Variants in AIRIM observed in about 807,000 individuals in gnomAD.
AIRIM encodes AFG2-interacting ribosome maturation factor.
the AIRIM span, chr1:37,683,205 G>A: frequency 6.2e-7 from 1 of 1,603,228 alleles, no homozygotes; most frequent in East Asian, 2.2e-5. Flanking sequence ...CCTCTCCCGA[G>A]AACATAAAAC....
At chr1:37,689,033 G>A in the AIRIM span, among the ~76,000 whole-genome samples, 2 of 151,572 alleles carry the variant, frequency 1.3e-5, no homozygotes, top group African/African-American at 4.8e-5. Flanking sequence ...TCAGAACTTG[G>A]AGACGTGCTA....
the AIRIM span, among the ~76,000 whole-genome samples, chr1:37,687,336 TG>T: frequency 6.6e-6 from 1 of 151,790 alleles, no homozygotes; most frequent in African/African-American, 2.4e-5. Flanking sequence ...TTCTCCATGT[TG>T]GTCAGGCTGG....
At chr1:37,686,648 A>G in the AIRIM span, among the ~76,000 whole-genome samples, 1 of 152,340 alleles carries the variant, frequency 6.6e-6, no homozygotes, top group Middle Eastern at 3.4e-3. Context: ...TATACCCTCC[A>G]TAAGCCATAA....
At chr1:37,685,680 G>A in the AIRIM span, among the ~76,000 whole-genome samples, 3 of 152,052 alleles carry the variant, frequency 2.0e-5, no homozygotes, top group South Asian at 4.1e-4. Context: ...GAGCCACCAC[G>A]CCCAGACCCC....
At chr1:37,691,701 C>T in the AIRIM span, 1 of 152,548 alleles carries the variant, frequency 6.6e-6, no homozygotes, top group East Asian at 1.9e-4. Context: ...CCAGAGCTGC[C>T]TCCTGCCCTG....
At chr1:37,686,373 T>C in the AIRIM span, 1 of 1,614,158 alleles carries the variant, frequency 6.2e-7, no homozygotes, top group Non-Finnish European at 8.5e-7. Context: ...ATGCCAACTG[T>C]GTCTGCGTGT....
At chr1:37,685,894 T>C in the AIRIM span, among the ~76,000 whole-genome samples, 1 of 152,204 alleles carries the variant, frequency 6.6e-6, no homozygotes, top group Non-Finnish European at 1.5e-5. Flanking sequence ...CACATAGCTC[T>C]TTCCCTTACC....
At chr1:37,684,020 C>G in the AIRIM span, 43,260 of 152,156 alleles carry the variant, frequency 0.28, 6,707 homozygotes, top group African/African-American at 0.39. Flanking sequence ...CTGATCCTAA[C>G]TATCAGGATC....
the AIRIM span, chr1:37,683,340 C>T: frequency 8.6e-5 from 138 of 1,614,010 alleles, 1 homozygote; most frequent in South Asian, 1.4e-3. Context: ...TCTTGGTGTT[C>T]GTCTTTTGAA....
chr1:37,689,889 GA>G, the AIRIM span: 7 of 1,534,846 alleles, frequency 4.6e-6, no homozygotes, highest in African/African-American at 6.9e-5. Flanking sequence ...ATCTTCTGCT[GA>G]AAAAGATAAA....
chr1:37,682,794 C>T, the AIRIM span: 4 of 223,598 alleles, frequency 1.8e-5, no homozygotes, highest in East Asian at 3.2e-4. Context: ...CTTGTCCTTG[C>T]TTCCCCACCT....
the AIRIM span, among the ~76,000 whole-genome samples, chr1:37,687,863 G>A: frequency 3.9e-5 from 6 of 152,036 alleles, no homozygotes; most frequent in South Asian, 4.1e-4. Context: ...GTGAGGCACC[G>A]TACCTGGCCT....
the AIRIM span, chr1:37,683,097 G>A: frequency 3.9e-5 from 63 of 1,605,250 alleles, no homozygotes; most frequent in Admixed American, 8.3e-5. Context: ...TGTGGTACCC[G>A]TGGTCTCCAG....
the AIRIM span, among the ~76,000 whole-genome samples, chr1:37,687,550 G>T: frequency 6.6e-6 from 1 of 151,578 alleles, no homozygotes; most frequent in Non-Finnish European, 1.5e-5. Context: ...AGGAATTTGA[G>T]ACCAGCCTGG....
At chr1:37,686,862 G>GT in the AIRIM span, among the ~76,000 whole-genome samples, 2 of 152,082 alleles carry the variant, frequency 1.3e-5, no homozygotes, top group East Asian at 1.9e-4. Context: ...GAGGTCAGGA[G>GT]TTTGAGACCA....
At chr1:37,681,760 A>G in the AIRIM span, 1 of 152,232 alleles carries the variant, frequency 6.6e-6, no homozygotes, top group African/African-American at 2.4e-5. Flanking sequence ...GGGAAAATGC[A>G]TGTAAAATCT....
At chr1:37,690,516 G>A in the AIRIM span, 1 of 1,186,750 alleles carries the variant, frequency 8.4e-7, no homozygotes, top group Non-Finnish European at 1.1e-6. Flanking sequence ...CGCGCCCACA[G>A]TCTCTCTGCG....
chr1:37,684,627 A>G, the AIRIM span, among the ~76,000 whole-genome samples: 1 of 152,224 alleles, frequency 6.6e-6, no homozygotes, highest in African/African-American at 2.4e-5. Context: ...CTCAAAAAAT[A>G]AATAAATAAA....
chr1:37,686,166 C>T, the AIRIM span: 1 of 1,099,910 alleles, frequency 9.1e-7, no homozygotes, highest in Non-Finnish European at 1.3e-6. Context: ...AGTTCAGGAA[C>T]CAAAGAGAAC....
Sources: gnomAD v4.1 joint callset for allele counts (sites outside exome capture counted in the v4.1 genomes callset) on GRCh38, gnomAD v4.1.1 for gene constraint, MANE v1.5 for transcripts, NCBI Gene and HGNC (gene_info 2026-07-23, HGNC 2026-07-21) for gene names.